Variants in NBL1 observed in about 807,000 individuals in gnomAD.
NBL1 encodes the protein NBL1, DAN family BMP antagonist.
Under a neutral mutation model 16.0 loss-of-function variants are expected in NBL1, and 9 were observed. That is an observed-to-expected ratio of 0.56 (90% confidence interval 0.34 to 0.98). The LOEUF (loss-of-function observed/expected upper bound fraction) is 0.98, where lower values mean the gene tolerates loss of function less well. Ranked by LOEUF, NBL1 falls within the 50% of genes least tolerant of loss-of-function variation. NBL1 has a pLI of 0.02. For synonymous variants in NBL1, 86 were observed against 100.7 expected, an observed-to-expected ratio of 0.85 and a Z score of 0.87; for missense variants, 196 against 243.1, an observed-to-expected ratio of 0.81 and a Z score of 1.29.
chr1:19,644,208 T>C (rs1171856638), upstream of NBL1: 10 of 976,692 alleles, frequency 1.0e-5, no homozygotes, highest in Admixed American at 6.3e-5. This position sits in a 1 kb window ranked among gnomAD's most constrained non-coding sequence, Gnocchi z 4.6. Context: ...GCCCGCTCTT[T>C]CTGCGCGCGG....
chr1:19,646,442 G>C (rs951170170), intron 1 of NBL1, among the ~76,000 whole-genome samples: 1 of 152,170 alleles, frequency 6.6e-6, no homozygotes, highest in Non-Finnish European at 1.5e-5. Flanking sequence ...TCAAACCCCA[G>C]AGTGAGCCCA....
At position 19,646,033 on chromosome 1, in the gene NBL1, G is replaced by A. The variant is rs1275654246; in HGVS notation, c.-20+1587G>A. 5 of 1,550,670 alleles carry A rather than the reference G, an allele frequency of 3.2e-6. No homozygotes were observed. The South Asian group carries it at 4.8e-5, about 15-fold the overall frequency. On this transcript the variant is annotated intron_variant, in intron 1 of 3. Coordinates refer to ENST00000375136, the MANE Select transcript of NBL1 (RefSeq NM_005380.8). The stretch of plus-strand genomic sequence containing the variant: ...TTCGTTTGCGGGCAGGAGGGTCTGC[G>A]GTAAGGAGGGCCGTGGCCTGGGTTT...
At chr1:19,656,723 T>C in intron 3 of NBL1, 143 bp from the exon 4 acceptor site, 2 of 1,373,796 alleles carry the variant, frequency 1.5e-6, no homozygotes, top group Non-Finnish European at 1.9e-6. Flanking sequence ...AATTTCCCCC[T>C]CCCCATGGGA....
Position 19,655,314 on chromosome 1 carries a change from C to G in NBL1, c.171-10C>G. 1 of 1,613,824 alleles carries G rather than the reference C, an allele frequency of 6.2e-7. No individual in the cohort carries two copies. Among genetic ancestry groups the G allele is most frequent in the Non-Finnish European group, 8.5e-7 (1 of 1,179,822 alleles). ...CAGTGACACAGGCATGGTGACCTCT[C>G]CTCCCACAGGGCGTGCCTAGGACAG... On this transcript the variant is annotated splice_polypyrimidine_tract_variant and intron_variant, in intron 2 of 3. Transcript: ENST00000375136.
intron 1 of NBL1, chr1:19,645,591 C>G: frequency 9.6e-7 from 1 of 1,037,948 alleles, no homozygotes; most frequent in Non-Finnish European, 1.2e-6. Context: ...ACAAGGAGCC[C>G]CTCACCCTTT....
intron 3 of NBL1, 110 bp downstream of exon 3, chr1:19,655,545 G>T (rs937931974): frequency 1.6e-6 from 2 of 1,249,118 alleles, no homozygotes; most frequent in African/African-American, 1.5e-5. Flanking sequence ...GCCTTAGAAA[G>T]GCCCCACTGT....
chr1:19,643,763 G>C (rs1486398948), upstream of NBL1: 2 of 1,027,184 alleles, frequency 1.9e-6, no homozygotes, highest in Non-Finnish European at 2.3e-6. This position sits in a 1 kb window ranked among gnomAD's most constrained non-coding sequence, Gnocchi z 4.7. Flanking sequence ...CCAACAGCAC[G>C]GACTTGAACC....
chr1:19,656,993 AGGGCGAGGACGGGCC>A lies in NBL1; in HGVS notation c.414_428del (p.Glu139_Gly143del). 4 of 1,602,558 alleles carry A rather than the reference AGGGCGAGGACGGGCC, an allele frequency of 2.5e-6. No homozygotes were observed. The highest frequency in any genetic ancestry group is 3.4e-6 in the Non-Finnish European group (4 of 1,174,950). ...CACGAGGGGCTGAGCGTCTATGTGCAGGGCGAGGACGGGCCGGGATCCCAGCCCGGCACCCACCCT... is the reference window on the plus strand; with the variant it reads ...CACGAGGGGCTGAGCGTCTATGTGCAGGGATCCCAGCCCGGCACCCACCCT... On this transcript the variant is annotated inframe_deletion, in exon 4 of 4. Transcript: ENST00000375136.
Position 19,644,820 on chromosome 1 carries a change from C to T in NBL1, c.-20+374C>T, listed in dbSNP as rs973525101. ...ATGTCCCCCGGCCGTGCCCGGGCCT[C>T]GCCGCGCCGCGCCTCTCGGCTCTGG... On this transcript the variant is annotated intron_variant, in intron 1 of 3. Coordinates refer to ENST00000375136, the MANE Select transcript of NBL1 (RefSeq NM_005380.8). This position sits in a 1 kb window ranked among gnomAD's most constrained non-coding sequence, Gnocchi z 4.6. Among the ~76,000 whole-genome samples, 3 of 151,498 alleles carry T rather than the reference C, an allele frequency of 2.0e-5. No homozygotes were observed. The highest frequency in any genetic ancestry group is 7.3e-5 in the African/African-American group (3 of 41,364).
intron 1 of NBL1, chr1:19,645,598 C>T (rs1290853008): frequency 4.0e-5 from 42 of 1,056,560 alleles, no homozygotes; most frequent in Non-Finnish European, 4.4e-5. Flanking sequence ...GCCCCTCACC[C>T]TTTGTTACTG....
intron 1 of NBL1, among the ~76,000 whole-genome samples, chr1:19,651,781 C>T: frequency 6.6e-6 from 1 of 152,126 alleles, no homozygotes; most frequent in Middle Eastern, 3.2e-3. Flanking sequence ...ACTGCAGCCC[C>T]AAGCCTGGTC....
At chr1:19,647,810 T>G (rs908567699) in intron 1 of NBL1, 1 of 347,932 alleles carries the variant, frequency 2.9e-6, no homozygotes, top group African/African-American at 2.2e-5. Context: ...TCCACGGCTC[T>G]GCACCGAGTG....
chr1:19,646,460 C>T (rs1286319294), intron 1 of NBL1, among the ~76,000 whole-genome samples: 2 of 152,210 alleles, frequency 1.3e-5, no homozygotes, highest in Admixed American at 6.5e-5. Context: ...CCAGGAAACC[C>T]GGTTGGGCTG....
At chr1:19,655,258 G>A in intron 2 of NBL1, 58 bp downstream of exon 2, 1 of 1,610,566 alleles carries the variant, frequency 6.2e-7, no homozygotes, top group African/African-American at 1.3e-5. Context: ...GGGAGGAAGA[G>A]GACCAGGGCT....
intron 2 of NBL1, 58 bp from the exon 3 acceptor site, chr1:19,655,266 G>A: frequency 2.5e-6 from 4 of 1,611,908 alleles, no homozygotes; most frequent in Admixed American, 1.7e-5. Context: ...GAGGACCAGG[G>A]CTGCCCATCC....
intron 3 of NBL1, 152 bp from the exon 4 acceptor site, chr1:19,656,714 A>G (rs116431883): frequency 1.8e-4 from 241 of 1,349,396 alleles, no homozygotes; most frequent in Non-Finnish European, 2.3e-4. Context: ...CAGGGGTTCA[A>G]TTTCCCCCTC....
rs2094968891 is a variant in NBL1 at position 19,644,863 on chromosome 1, G to C, written c.-20+417G>C. Among the ~76,000 whole-genome samples the C allele has an allele frequency of 6.6e-6, 1 of 151,862 alleles. No individual in the cohort carries two copies. On this transcript the variant is annotated intron_variant, in intron 1 of 3. Transcript: ENST00000375136. This position sits in a 1 kb window ranked among gnomAD's most constrained non-coding sequence, Gnocchi z 4.6. Reference sequence around the variant, plus strand: ...GGCTCTGGACGTTTCCGCCTCCCGCGGCCCCCTCTGCTTCGGTCCCCACGT... The same window carrying C: ...GGCTCTGGACGTTTCCGCCTCCCGCCGCCCCCTCTGCTTCGGTCCCCACGT...
chr1:19,645,397 A>AG (rs1469254369), intron 1 of NBL1: 90 of 986,486 alleles, frequency 9.1e-5, no homozygotes, highest in Non-Finnish European at 1.1e-4. Flanking sequence ...CAAAGGGGGC[A>AG]GCCGCCTGCC....
At chr1:19,656,391 C>T (rs1361694882) in intron 3 of NBL1, among the ~76,000 whole-genome samples, 1 of 55,314 alleles carries the variant, frequency 1.8e-5, no homozygotes, top group Non-Finnish European at 3.6e-5. Flanking sequence ...ATGTGGTAGT[C>T]GGCGGGGATA....
Sources: allele counts gnomAD v4.1 joint callset (sites outside exome capture counted in the v4.1 genomes callset), GRCh38; gene constraint gnomAD v4.1.1; non-coding constraint Gnocchi (gnomAD v3.1); transcripts MANE v1.5; gene names NCBI Gene and HGNC (gene_info 2026-07-23, HGNC 2026-07-21).